CHODL: variants seen among roughly 807,000 people sequenced by gnomAD.
The protein encoded by CHODL is transmembrane protein MT75.
In CHODL, 29 loss-of-function variants were observed where a neutral mutation model predicts 34.5. The observed-to-expected ratio is 0.84, with a 90% CI of 0.63 to 1.15. CHODL has a LOEUF of 1.15. Among genes scored for constraint, CHODL ranks in the 50% most tolerant of loss-of-function variants. The pLI is 0.00. For missense variants in CHODL, 332 were observed against 332.5 expected, an observed-to-expected ratio of 1.00 and a Z score of 0.01; for synonymous variants, 125 against 116.1, an observed-to-expected ratio of 1.08 and a Z score of -0.49.
intron 1 of CHODL, among the ~76,000 whole-genome samples, chr21:17,929,527 C>T (rs2146317979): frequency 6.6e-6 from 1 of 152,252 alleles, no homozygotes. Flanking sequence ...TTATGGAAAG[C>T]AAAGAAAGGT....
At chr21:18,010,528 A>G (rs1026641303) in intron 1 of CHODL, among the ~76,000 whole-genome samples, 1 of 152,136 alleles carries the variant, frequency 6.6e-6, no homozygotes, top group Non-Finnish European at 1.5e-5. Context: ...TCTTTTCACA[A>G]AATCCCAGCC....
Position 18,204,214 on chromosome 21 carries a change from C to T in CHODL, c.-44-52295C>T, listed in dbSNP as rs1397433024. Among the ~76,000 whole-genome samples, 2 of 152,042 alleles carry T rather than the reference C, an allele frequency of 1.3e-5. 1 individual carries two copies. The highest frequency in any genetic ancestry group is 2.9e-5 in the Non-Finnish European group (2 of 67,946). On this transcript the variant is annotated intron_variant, in intron 2 of 6. Coordinates refer to the CHODL transcript ENST00000400127. ...AAAGAACTCATAGCAATACTTTGAG[C>T]AAGGCATAATTATTTAGCGAGTCTG...
chr21:17,957,881 GC>G (rs200559134), intron 1 of CHODL, among the ~76,000 whole-genome samples: 76 of 151,032 alleles, frequency 5.0e-4, no homozygotes, highest in Middle Eastern at 3.4e-3. Flanking sequence ...CTTTTAGGCA[GC>G]CTTTTTTTTT....
chr21:17,919,311 C>T (rs1055582254), intron 1 of CHODL, among the ~76,000 whole-genome samples: 4 of 152,286 alleles, frequency 2.6e-5, no homozygotes, highest in African/African-American at 4.8e-5. Flanking sequence ...CTGCAGCAAA[C>T]TTCTGCCCGG....
At chr21:18,142,423 T>G (rs998129619) in intron 2 of CHODL, among the ~76,000 whole-genome samples, 6 of 152,158 alleles carry the variant, frequency 3.9e-5, no homozygotes, top group African/African-American at 1.4e-4. Flanking sequence ...GAATTAGAAG[T>G]GGTATTTTCT....
chr21:18,106,638 T>G (rs2776082), intron 2 of CHODL, among the ~76,000 whole-genome samples: 71,176 of 151,382 alleles, frequency 0.47, 17,470 homozygotes, highest in African/African-American at 0.53. Flanking sequence ...GGGACTACAG[T>G]TGCCCACCAC....
intron 1 of CHODL, among the ~76,000 whole-genome samples, chr21:17,934,364 T>TA (rs2063302668): frequency 1.3e-5 from 2 of 152,256 alleles, no homozygotes; most frequent in South Asian, 4.1e-4. Flanking sequence ...TTTCACCACT[T>TA]AACACAATTT....
chr21:18,003,529 G>A (rs157754), intron 1 of CHODL, among the ~76,000 whole-genome samples: 6 of 151,894 alleles, frequency 4.0e-5, no homozygotes, highest in Non-Finnish European at 8.8e-5. Context: ...TGAATAATGC[G>A]TGTTCATTTA....
intron 1 of CHODL, among the ~76,000 whole-genome samples, chr21:17,969,606 G>T (rs966644043): frequency 2.6e-5 from 4 of 152,096 alleles, no homozygotes; most frequent in Non-Finnish European, 1.5e-5. Flanking sequence ...TTTATGAGAA[G>T]GTAAAAGTTA....
chr21:18,105,383 T>A (rs1051141470), intron 2 of CHODL, among the ~76,000 whole-genome samples: 1 of 152,208 alleles, frequency 6.6e-6, no homozygotes, highest in Non-Finnish European at 1.5e-5. Context: ...ACCTGACTTA[T>A]GTGCCTTTTC....
intron 2 of CHODL, among the ~76,000 whole-genome samples, chr21:18,215,918 C>T (rs1410425073): frequency 6.6e-6 from 1 of 152,098 alleles, no homozygotes; most frequent in Non-Finnish European, 1.5e-5. Flanking sequence ...GTGAAATTAC[C>T]ATTAAACTCC....
chr21:18,171,198 G>GTTCTTTTTTTTTTTTT lies in CHODL; in HGVS notation c.-44-85309_-44-85308insCTTTTTTTTTTTTTTT, dbSNP rs1333481522. On this transcript the variant is annotated intron_variant, in intron 2 of 6. Transcript: ENST00000400127. The stretch of plus-strand genomic sequence containing the variant: ...TGTTCTTCAGACATGGTTTTCTTTA[G>GTTCTTTTTTTTTTTTT]TTTTTTTTTTTTTTTTTTTGAGACG... Among the ~76,000 whole-genome samples the GTTCTTTTTTTTTTTTT allele has an allele frequency of 5.3e-3, 196 of 37,066 alleles. 89 individuals carry two copies. Among genetic ancestry groups the GTTCTTTTTTTTTTTTT allele is most frequent in the African/African-American group, 0.01 (70 of 6,942 alleles). 24.3% of individuals were successfully genotyped at this position (37,066 alleles called of 152,430 possible).
intron 2 of CHODL, among the ~76,000 whole-genome samples, chr21:18,171,838 C>A (rs114202132): frequency 6.6e-6 from 1 of 151,666 alleles, no homozygotes; most frequent in Non-Finnish European, 1.5e-5. Flanking sequence ...AGTTAGCTTA[C>A]TGGCCAGCTA....
chr21:18,127,672 GTTTTTTTTTTTTT>G (rs71318127), intron 2 of CHODL, among the ~76,000 whole-genome samples: 3,419 of 70,158 alleles, frequency 0.049, 127 homozygotes, highest in African/African-American at 0.11. Flanking sequence ...CGTTGCCATT[GTTTTTTTTTTTTT>G]TTTTTTTTTT....
intron 2 of CHODL, among the ~76,000 whole-genome samples, chr21:18,050,107 T>C (rs1244416727): frequency 1.3e-5 from 2 of 151,752 alleles, no homozygotes; most frequent in South Asian, 4.2e-4. Flanking sequence ...GTGGTGGAGA[T>C]CAAAGGAGTG....
At chr21:17,965,169 A>G (rs1196262109) in intron 1 of CHODL, among the ~76,000 whole-genome samples, 2 of 151,958 alleles carry the variant, frequency 1.3e-5, no homozygotes, top group East Asian at 1.9e-4. Flanking sequence ...AACCCTCTCT[A>G]CCTCCTCAAA....
intron 1 of CHODL, among the ~76,000 whole-genome samples, chr21:17,939,543 A>C (rs2063346596): frequency 6.6e-6 from 1 of 152,210 alleles, no homozygotes; most frequent in Non-Finnish European, 1.5e-5. Context: ...ATAAATATAA[A>C]TGTTGATAAA....
chr21:18,163,042 T>C (rs1350506381), intron 2 of CHODL, among the ~76,000 whole-genome samples: 1 of 152,368 alleles, frequency 6.6e-6, no homozygotes, highest in Non-Finnish European at 1.5e-5. Context: ...TACCTATGTC[T>C]ATATCATCTA....
chr21:18,211,818 G>A (rs73202999), intron 2 of CHODL, among the ~76,000 whole-genome samples: 6,712 of 152,138 alleles, frequency 0.044, 176 homozygotes, highest in Non-Finnish European at 0.06. Context: ...TTTATTGATC[G>A]TGCCTCTCTA....
Sources: allele counts gnomAD v4.1 joint callset (sites outside exome capture counted in the v4.1 genomes callset), GRCh38; gene constraint gnomAD v4.1.1; transcripts MANE v1.5; gene names NCBI Gene and HGNC (gene_info 2026-07-23, HGNC 2026-07-21).